The following FTO variants were observed in gnomAD, a reference collection of about 807,000 sequenced individuals.
FTO encodes alpha-ketoglutarate-dependent dioxygenase FTO.
A neutral mutation model predicts 63.9 loss-of-function variants in FTO; 47 were observed. The ratio of observed to expected loss-of-function variants is 0.74; its 90% CI spans 0.58 to 0.94. FTO has a LOEUF of 0.94. Ranked by LOEUF, FTO falls within the 40% of genes least tolerant of loss-of-function variation. The pLI, the probability that FTO is intolerant of heterozygous loss-of-function variation, is 0.00. For missense variants in FTO, 562 were observed against 618.1 expected (o/e 0.91, Z 0.96); for synonymous variants, 207 against 224.4 (o/e 0.92, Z 0.69).
chr16:54,026,929 A>G (rs1319323313), intron 8 of FTO, among the ~76,000 whole-genome samples: 2 of 152,192 alleles, frequency 1.3e-5, no homozygotes, highest in Non-Finnish European at 1.5e-5. Context: ...CAGTAATCAT[A>G]TATTGATTTT....
chr16:54,051,614 G>A (rs1241716255), intron 8 of FTO, among the ~76,000 whole-genome samples: 1 of 152,234 alleles, frequency 6.6e-6, no homozygotes, highest in Non-Finnish European at 1.5e-5. Context: ...ACCCATTTCT[G>A]AGATGGAAAG....
chr16:53,953,808 A>G (rs571642880), intron 8 of FTO, among the ~76,000 whole-genome samples: 59 of 152,378 alleles, frequency 3.9e-4, no homozygotes, highest in Admixed American at 9.8e-4. Context: ...GTGGCAGAAA[A>G]TGCTGCTGGT....
chr16:53,905,673 T>A (rs2081518867), intron 7 of FTO, among the ~76,000 whole-genome samples: 1 of 152,164 alleles, frequency 6.6e-6, no homozygotes, highest in East Asian at 1.9e-4. Context: ...AGAGTATTTA[T>A]CACTGTCCGA....
chr16:53,706,724 C>T (rs1022524297), intron 1 of FTO, among the ~76,000 whole-genome samples: 2 of 152,126 alleles, frequency 1.3e-5, no homozygotes. Context: ...GAGATTAATC[C>T]ATGTTGTTGT....
chr16:53,982,556 G>T (rs1313496556), intron 8 of FTO, among the ~76,000 whole-genome samples: 1 of 152,132 alleles, frequency 6.6e-6, no homozygotes, highest in Admixed American at 6.5e-5. Flanking sequence ...ATACCTGCTT[G>T]CATGAACTTG....
At chr16:53,983,480 CAGTGG>C (rs1305604957) in intron 8 of FTO, among the ~76,000 whole-genome samples, 1 of 152,078 alleles carries the variant, frequency 6.6e-6, no homozygotes, top group Non-Finnish European at 1.5e-5. Flanking sequence ...CTGACTTTCT[CAGTGG>C]AGTGGAATTT....
chr16:53,910,457 A>G (rs2081660555), intron 7 of FTO, among the ~76,000 whole-genome samples: 1 of 152,188 alleles, frequency 6.6e-6, no homozygotes, highest in South Asian at 2.1e-4. Context: ...ACCTGCTGCA[A>G]AAATTTTGCT....
At chr16:53,871,973 C>G (rs1044537111) in intron 4 of FTO, among the ~76,000 whole-genome samples, 3 of 152,094 alleles carry the variant, frequency 2.0e-5, no homozygotes, top group Non-Finnish European at 4.4e-5. Context: ...GTAATCCACC[C>G]ACTTCGGCCT....
At chr16:53,704,017 C>T (rs997783930), upstream of FTO, 3 of 739,542 alleles carry the variant, frequency 4.1e-6, no homozygotes, top group South Asian at 4.6e-5. Flanking sequence ...AATCCCGTGG[C>T]GCTCGCGGGT....
rs374423664 is a variant in FTO, at chr16:54,109,366, T to C, written c.1365-2396T>C. ...TCTTCTTTTGGAAAGAGTCTTGCTC[T>C]GTTGCCCAGGCTGGAGTGCAGTAGC... On this transcript the variant is annotated intron_variant, in intron 8 of 8. Coordinates refer to ENST00000471389, the MANE Select transcript of FTO (RefSeq NM_001080432.3). 2.6e-5 allele frequency among the ~76,000 whole-genome samples: 4 copies of C among 152,328 alleles called. No homozygotes were observed. The South Asian group carries it at 8.3e-4, about 32-fold the overall frequency.
chr16:54,032,681 A>G (rs2084859145), intron 8 of FTO, among the ~76,000 whole-genome samples: 1 of 152,180 alleles, frequency 6.6e-6, no homozygotes, highest in African/African-American at 2.4e-5. Context: ...TTCTTCATCA[A>G]GTAACAGCTG....
chr16:53,754,160 T>C (rs1288103993), intron 1 of FTO, among the ~76,000 whole-genome samples: 1 of 152,186 alleles, frequency 6.6e-6, no homozygotes, highest in African/African-American at 2.4e-5. Context: ...CATCCATTTG[T>C]ACTGTTAAAG....
At chr16:53,721,592 A>G (rs910069863) in intron 1 of FTO, among the ~76,000 whole-genome samples, 2 of 152,148 alleles carry the variant, frequency 1.3e-5, no homozygotes, top group African/African-American at 4.8e-5. Context: ...TGTATCAAGT[A>G]AGTCTCTTTT....
Position 53,785,866 on chromosome 16 carries a change from C to T in FTO, c.46-24274C>T, listed in dbSNP as rs573600617. On this transcript the variant is annotated intron_variant, in intron 1 of 8. Coordinates refer to ENST00000471389, the MANE Select transcript of FTO (RefSeq NM_001080432.3). ...CGGAGGTTGCAGTTAGCCGAGATTC[C>T]GCCGCTGCACTCCAGCCTGGTGACA... Among the ~76,000 whole-genome samples, 47 of 150,894 alleles carry T rather than the reference C, an allele frequency of 3.1e-4. No homozygotes were observed. The South Asian group carries it at 9.3e-3, about 30-fold the overall frequency.
chr16:54,083,916 C>A lies in FTO; in HGVS notation c.1365-27846C>A, dbSNP rs139269309. ...GAGCCTGGCAGGCCTGGATTTGAATCCCAGCCTTTCCATGTACAGGTTAAG... is the reference window on the plus strand; with the variant it reads ...GAGCCTGGCAGGCCTGGATTTGAATACCAGCCTTTCCATGTACAGGTTAAG... On this transcript the variant is annotated intron_variant, in intron 8 of 8. Coordinates refer to ENST00000471389, the MANE Select transcript of FTO (RefSeq NM_001080432.3). Among the ~76,000 whole-genome samples the A allele has an allele frequency of 1.2e-4, 19 of 152,266 alleles. No individual in the cohort carries two copies. In the East Asian group the frequency reaches 3.7e-3, roughly 29 times the overall value.
At chr16:54,095,795 G>A (rs2086503567) in intron 8 of FTO, among the ~76,000 whole-genome samples, 1 of 152,150 alleles carries the variant, frequency 6.6e-6, no homozygotes, top group African/African-American at 2.4e-5. Context: ...CCCCAAAGGT[G>A]ACTTCGCAGA....
intron 8 of FTO, chr16:54,070,339 A>G (rs893533629): frequency 3.9e-5 from 6 of 152,186 alleles, no homozygotes; most frequent in East Asian, 1.9e-4. Flanking sequence ...TAAAATGTAT[A>G]TCTAAATGGA....
At chr16:53,757,513 A>T (rs1217121240) in intron 1 of FTO, among the ~76,000 whole-genome samples, 1 of 151,516 alleles carries the variant, frequency 6.6e-6, no homozygotes, top group Non-Finnish European at 1.5e-5. Context: ...ATATGAATAC[A>T]TAATACCTAT....
chr16:53,971,900 A>G (rs2083329209), intron 8 of FTO, among the ~76,000 whole-genome samples: 1 of 152,142 alleles, frequency 6.6e-6, no homozygotes, highest in Non-Finnish European at 1.5e-5. Context: ...TTGGATGATG[A>G]TTGCCTGATG....
Sources: gnomAD v4.1 joint callset for allele counts (sites outside exome capture counted in the v4.1 genomes callset) on GRCh38, gnomAD v4.1.1 for gene constraint, MANE v1.5 for transcripts, NCBI Gene and HGNC (gene_info 2026-07-23, HGNC 2026-07-21) for gene names.